FOXN3: variants seen among roughly 807,000 people sequenced by gnomAD.
The protein encoded by FOXN3 is forkhead box protein N3.
A neutral mutation model predicts 38.4 loss-of-function variants in FOXN3; 7 were observed. The ratio of observed to expected loss-of-function variants is 0.18; its 90% confidence interval spans 0.10 to 0.34. The LOEUF (loss-of-function observed/expected upper bound fraction) is 0.34. FOXN3 is among the 10% of genes least tolerant of loss of function. FOXN3 has a pLI of 1.00. For synonymous variants in FOXN3, 230 were observed against 242.2 expected (o/e 0.95, Z 0.47); for missense variants, 456 against 613.4 (o/e 0.74, Z 2.71).
intron 4 of FOXN3, among the ~76,000 whole-genome samples, chr14:89,181,232 C>A (rs1026292759): frequency 2.0e-5 from 3 of 151,982 alleles, no homozygotes; most frequent in African/African-American, 7.3e-5. Context: ...CAAAAGTAGG[C>A]TTCAAATAGT....
At chr14:89,498,341 G>C (rs1232815171) in intron 1 of FOXN3, among the ~76,000 whole-genome samples, 1 of 149,862 alleles carries the variant, frequency 6.7e-6, no homozygotes, top group Non-Finnish European at 1.5e-5. Flanking sequence ...TCCTGCCTCA[G>C]CCTCCAGAGT....
chr14:89,390,317 A>C (rs919764572), intron 2 of FOXN3, among the ~76,000 whole-genome samples: 34 of 147,078 alleles, frequency 2.3e-4, no homozygotes, highest in African/African-American at 5.7e-4. Flanking sequence ...CTCTCTCTAT[A>C]TATATATAAA....
At chr14:89,336,031 CTCTT>C (rs1303578500) in intron 3 of FOXN3, among the ~76,000 whole-genome samples, 1 of 152,034 alleles carries the variant, frequency 6.6e-6, no homozygotes, top group East Asian at 1.9e-4. Flanking sequence ...AGGTTTGACT[CTCTT>C]TTTTTCTTAT....
chr14:89,246,105 A>G lies in FOXN3; in HGVS notation c.745+34845T>C, dbSNP rs533723771. Among the ~76,000 whole-genome samples the G allele has an allele frequency of 5.3e-5, 8 of 151,856 alleles. No homozygotes were observed. In the South Asian group the frequency reaches 8.3e-4, roughly 16 times the overall value. ...GTGCTGATGGCTGCACAACTCTGCG[A>G]AAAAAAACCGCTGAATTGTACTTTA... On this transcript the variant is annotated intron_variant, in intron 4 of 5. Transcript: ENST00000557258.
intron 1 of FOXN3, among the ~76,000 whole-genome samples, chr14:89,506,812 A>G (rs1198385518): frequency 1.3e-5 from 2 of 152,194 alleles, no homozygotes; most frequent in Non-Finnish European, 1.5e-5. Flanking sequence ...GATCCTGTTG[A>G]TCTGTGACCT....
At chr14:89,246,784 C>T (rs1885312748) in intron 4 of FOXN3, among the ~76,000 whole-genome samples, 1 of 152,046 alleles carries the variant, frequency 6.6e-6, no homozygotes, top group African/African-American at 2.4e-5. Context: ...TGTGATCCAC[C>T]CGCCTCAGCC....
rs189100349 is a variant in FOXN3, at chr14:89,611,196, G to T, written c.-15+7832C>A. ...GTCTCTGTAGACTTTATATGACTTA[G>T]GGGTACAGGGGAGCCCCAAAAAGAA... On this transcript the variant is annotated intron_variant, in intron 1 of 6. Transcript: ENST00000345097. Among the ~76,000 whole-genome samples, 678 of 152,272 alleles carry T rather than the reference G, an allele frequency of 4.5e-3. 5 individuals are homozygous for T. Among genetic ancestry groups the T allele is most frequent in the Non-Finnish European group, 4.1e-3 (281 of 68,014 alleles).
At position 89,159,388 on chromosome 14, in the gene FOXN3, A is replaced by C. The variant is rs1052252177; in HGVS notation, c.*3026T>G. ...CCCCGACAAGTCTTCCGGCAGATCC[A>C]ACGAAGGGAGACTCAGGAAAATCAC... On this transcript the variant is annotated 3_prime_UTR_variant, in exon 6 of 6. Coordinates refer to ENST00000557258, the MANE Select transcript of FOXN3 (RefSeq NM_005197.4). 1 of 152,670 alleles carries C rather than the reference A, an allele frequency of 6.6e-6. No homozygotes were observed. The highest frequency in any genetic ancestry group is 1.5e-5 in the Non-Finnish European group (1 of 68,048). The allele number at this position is 152,670 out of a possible 1,614,324, so 9.5% of individuals were successfully genotyped here.
intron 4 of FOXN3, among the ~76,000 whole-genome samples, chr14:89,215,034 A>G (rs74077109): frequency 6.1e-4 from 93 of 152,356 alleles, no homozygotes; most frequent in African/African-American, 1.7e-3. Context: ...TCTATGGAAA[A>G]TATTTTGCAA....
chr14:89,244,007 C>T (rs1470566506), intron 4 of FOXN3, among the ~76,000 whole-genome samples: 2 of 152,324 alleles, frequency 1.3e-5, no homozygotes, highest in South Asian at 4.1e-4. Context: ...GCTCATTGCA[C>T]TGATGCTAAG....
At chr14:89,282,542 G>C (rs1356589418) in intron 3 of FOXN3, among the ~76,000 whole-genome samples, 1 of 152,166 alleles carries the variant, frequency 6.6e-6, no homozygotes, top group Non-Finnish European at 1.5e-5. Flanking sequence ...AAATACTTAA[G>C]ATTATCTTTT....
At chr14:89,551,267 C>T (rs1245790939) in intron 1 of FOXN3, among the ~76,000 whole-genome samples, 1 of 151,472 alleles carries the variant, frequency 6.6e-6, no homozygotes, top group African/African-American at 2.5e-5. Flanking sequence ...TGCTATGGGG[C>T]TCAAGAGCTG....
chr14:89,386,668 C>T (rs1043117611), intron 2 of FOXN3, among the ~76,000 whole-genome samples: 3 of 152,150 alleles, frequency 2.0e-5, no homozygotes, highest in Non-Finnish European at 4.4e-5. Context: ...ACTACCAGAA[C>T]AAAATACCAC....
intron 2 of FOXN3, among the ~76,000 whole-genome samples, chr14:89,354,309 T>A (rs1056720696): frequency 6.6e-6 from 1 of 150,956 alleles, no homozygotes; most frequent in Non-Finnish European, 1.5e-5. Context: ...CTCATTGCAA[T>A]CTCCGCCTCC....
At chr14:89,172,493 CT>C (rs1431729272) in intron 5 of FOXN3, among the ~76,000 whole-genome samples, 3 of 152,132 alleles carry the variant, frequency 2.0e-5, no homozygotes. Flanking sequence ...TGTTCGCGCA[CT>C]CCCTTGCAGT....
intron 3 of FOXN3, among the ~76,000 whole-genome samples, chr14:89,324,853 T>C (rs1888001780): frequency 6.6e-6 from 1 of 151,978 alleles, no homozygotes; most frequent in African/African-American, 2.4e-5. Context: ...CACCTGGAGA[T>C]TGTATTAAAA....
intron 2 of FOXN3, among the ~76,000 whole-genome samples, chr14:89,387,124 G>A (rs1481849109): frequency 1.3e-5 from 2 of 152,156 alleles, no homozygotes; most frequent in Admixed American, 6.5e-5. Flanking sequence ...CAGATGTGGT[G>A]GTGTACCTGT....
intron 2 of FOXN3, among the ~76,000 whole-genome samples, chr14:89,373,488 A>G (rs115184030): frequency 6.6e-6 from 1 of 151,536 alleles, no homozygotes; most frequent in East Asian, 1.9e-4. Context: ...GGGGGAGACC[A>G]ATGATGAGAT....
chr14:89,360,696 GCTACCACCACCTCCAGCACTACCTCCA>G (rs1889450331), intron 2 of FOXN3, among the ~76,000 whole-genome samples: 1 of 148,504 alleles, frequency 6.7e-6, no homozygotes. Flanking sequence ...CTCATCCTCA[GCTACCACCACCTCCAGCACTACCTCCA>G]CCACCACCAC....
Sources: gnomAD v4.1 joint callset for allele counts (sites outside exome capture counted in the v4.1 genomes callset) on GRCh38, gnomAD v4.1.1 for gene constraint, MANE v1.5 for transcripts, NCBI Gene and HGNC (gene_info 2026-07-23, HGNC 2026-07-21) for gene names.